The following PKHD1 variants were observed in gnomAD, a reference collection of about 807,000 sequenced individuals.
PKHD1 encodes PKHD1 ciliary IPT domain containing fibrocystin/polyductin, also known as fibrocystin.
A neutral mutation model predicts 412.0 loss-of-function variants in PKHD1; 291 were observed. The ratio of observed to expected loss-of-function variants is 0.71; its 90% CI spans 0.64 to 0.78. PKHD1 has a LOEUF of 0.78. Among genes scored for constraint, PKHD1 ranks in the 30% least tolerant of loss-of-function variants. The probability of loss-of-function intolerance (pLI) is 0.00; values close to 1 mark genes in which losing one functional copy is unlikely to be tolerated. For missense variants in PKHD1, 4,825 were observed against 4,950.7 expected (o/e 0.97, Z 0.76); for synonymous variants, 1,777 against 1,821.5 (o/e 0.98, Z 0.62).
intron 1 of PKHD1, among the ~76,000 whole-genome samples, chr6:52,086,539 C>A (rs188959773): frequency 4.6e-5 from 7 of 152,166 alleles, no homozygotes; most frequent in African/African-American, 1.7e-4. Context: ...AATAAACTCA[C>A]CTTACGGGCA....
chr6:51,740,337 A>C (rs1209217900), intron 60 of PKHD1, among the ~76,000 whole-genome samples: 1 of 152,214 alleles, frequency 6.6e-6, no homozygotes, highest in Admixed American at 6.5e-5. Context: ...GGACCTGTGG[A>C]TATCTGTCTG....
At chr6:51,780,893 ATTGTATTTTTATATAAT>A in intron 53 of PKHD1, among the ~76,000 whole-genome samples, 1 of 152,322 alleles carries the variant, frequency 6.6e-6, no homozygotes, top group East Asian at 1.9e-4. Context: ...AAAGCAACAA[ATTGTATTTTTATATAAT>A]TTGTATTTTT....
chr6:51,827,347 C>T (rs1238715406), intron 52 of PKHD1, among the ~76,000 whole-genome samples: 1 of 152,032 alleles, frequency 6.6e-6, no homozygotes, highest in Non-Finnish European at 1.5e-5. Context: ...AAACTCTATG[C>T]GTTGGTCATG....
Position 51,912,415 on chromosome 6 carries a change from T to G in PKHD1, c.6283A>C (p.Thr2095Pro). The change falls in exon 38 of 67, where the codon ACT becomes CCT. Residue 2095 changes from threonine (T) to proline (P), a missense_variant. Thr to Pro is a conservative substitution (Grantham distance 38, BLOSUM62 -1). Coordinates refer to ENST00000371117, the MANE Select transcript of PKHD1 (RefSeq NM_138694.4). Reference sequence around the variant, plus strand: ...TCTGTATCCTGCACAGTTTCCACAGTGACAATCTCTTCCATCGGTTTGGCA... The same window carrying G: ...TCTGTATCCTGCACAGTTTCCACAGGGACAATCTCTTCCATCGGTTTGGCA... ...KGAKPMEEIV[T>P]VETVQDTDLY... 6.2e-7 allele frequency: 1 copy of G among 1,613,168 alleles called. No homozygotes were observed.
chr6:51,747,897 C>A lies in PKHD1; in HGVS notation c.9719G>T (p.Arg3240Leu), dbSNP rs146649803. The A allele has an allele frequency of 1.7e-5, 28 of 1,613,858 alleles. No individual in the cohort carries two copies. Among genetic ancestry groups the A allele is most frequent in the Non-Finnish European group, 2.3e-5 (27 of 1,179,932 alleles). ...DRAPSNPRGGRIGILWPVFTS... is the reference protein window; with the variant it reads ...DRAPSNPRGGLIGILWPVFTS... ...GAATACAGGCCACAGAATACCAATT[C>A]GACCTCCTCTTGGATTGGAGGGAGC... Residue 3240 changes from arginine to leucine, a missense_variant, in exon 58 of 67, where the codon CGA (arginine) becomes CTA (leucine). By Grantham distance (102) the Arg-to-Leu change is moderately radical (BLOSUM62 -2). Transcript: ENST00000371117.
chr6:52,083,047 C>G (rs762822651), intron 3 of PKHD1, 131 bp downstream of exon 3: 2 of 714,876 alleles, frequency 2.8e-6, no homozygotes, highest in African/African-American at 3.5e-5. Flanking sequence ...AGAAGTTGGT[C>G]AGTCTGTTCG....
chr6:51,670,953 A>G (rs9395705), intron 60 of PKHD1, among the ~76,000 whole-genome samples: 5 of 151,240 alleles, frequency 3.3e-5, no homozygotes, highest in Admixed American at 6.6e-5. Flanking sequence ...GTGGGTAACC[A>G]GACCTTTCTC....
intron 61 of PKHD1, among the ~76,000 whole-genome samples, chr6:51,655,571 G>T (rs1771684542): frequency 1.3e-5 from 2 of 152,080 alleles, no homozygotes; most frequent in South Asian, 4.1e-4. Flanking sequence ...CACAAACAAA[G>T]AGCTTTATGT....
intron 63 of PKHD1, among the ~76,000 whole-genome samples, chr6:51,643,335 T>C (rs954217978): frequency 3.3e-5 from 5 of 152,126 alleles, no homozygotes; most frequent in African/African-American, 9.7e-5. Context: ...TGGTTTGTCC[T>C]CATTCCTTGG....
At chr6:51,692,098 T>C (rs907561950) in intron 60 of PKHD1, among the ~76,000 whole-genome samples, 2 of 152,142 alleles carry the variant, frequency 1.3e-5, no homozygotes, top group African/African-American at 4.8e-5. Context: ...TCTTCATCAT[T>C]CACTTAATGC....
At chr6:51,916,360 T>A (rs1406174938) in intron 37 of PKHD1, among the ~76,000 whole-genome samples, 1 of 152,210 alleles carries the variant, frequency 6.6e-6, no homozygotes, top group African/African-American at 2.4e-5. Context: ...CAAACTAGTT[T>A]CATTGTCAAG....
intron 21 of PKHD1, among the ~76,000 whole-genome samples, chr6:52,052,424 C>G (rs991712457): frequency 6.6e-6 from 1 of 152,116 alleles, no homozygotes. Context: ...AAGGAAGAGC[C>G]GGGCCTGATC....
rs376325766 is a variant in PKHD1 at position 51,696,824 on chromosome 6, A to T, written c.10157-36855T>A. On this transcript the variant is annotated intron_variant, in intron 60 of 66. Transcript: ENST00000371117. ...ATGGAAAAAATAAACCAAACTGACG[A>T]CCAATCCTTGAAAATTAACTGTAAA... Among the ~76,000 whole-genome samples, 6 of 152,260 alleles carry T rather than the reference A, an allele frequency of 3.9e-5. No homozygotes were observed. In the South Asian group the frequency reaches 1.2e-3, roughly 32 times the overall value.
intron 57 of PKHD1, 21 bp downstream of exon 57, chr6:51,753,180 A>G: frequency 6.2e-7 from 1 of 1,611,346 alleles, no homozygotes; most frequent in Non-Finnish European, 8.5e-7. Flanking sequence ...GTAATGGCCA[A>G]TTACTTAAAA....
chr6:51,925,054 G>C (rs188777424), intron 37 of PKHD1, among the ~76,000 whole-genome samples: 19 of 152,326 alleles, frequency 1.2e-4, no homozygotes, highest in African/African-American at 4.3e-4. Context: ...GTTCACGGTA[G>C]AGATGGGATT....
At position 51,666,660 on chromosome 6, in the gene PKHD1, C is replaced by CA. The variant is rs574107544; in HGVS notation, c.10157-6692dup. Among the ~76,000 whole-genome samples, 65 of 151,100 alleles carry CA rather than the reference C, an allele frequency of 4.3e-4. 1 individual carries two copies. Among genetic ancestry groups the CA allele is most frequent in the African/African-American group, 1.5e-3 (63 of 41,258 alleles). On this transcript the variant is annotated intron_variant, in intron 60 of 66. Coordinates refer to ENST00000371117, the MANE Select transcript of PKHD1 (RefSeq NM_138694.4). ...CTGCACCCACTAACTCGTCATCTAG[C>CA]ATTAGGTATATCTCCCAATGCTATC...
At chr6:51,649,887 A>C (rs1770661192) in intron 61 of PKHD1, among the ~76,000 whole-genome samples, 1 of 152,232 alleles carries the variant, frequency 6.6e-6, no homozygotes, top group Admixed American at 6.5e-5. Flanking sequence ...GAAGCATCTG[A>C]GGAGAATAAT....
intron 60 of PKHD1, among the ~76,000 whole-genome samples, chr6:51,693,987 A>G (rs1778477339): frequency 6.6e-6 from 1 of 152,158 alleles, no homozygotes; most frequent in African/African-American, 2.4e-5. Context: ...CCTCTACATT[A>G]TATTATTTTA....
chr6:51,684,565 T>C (rs1777168380), intron 60 of PKHD1, among the ~76,000 whole-genome samples: 1 of 152,102 alleles, frequency 6.6e-6, no homozygotes, highest in Non-Finnish European at 1.5e-5. Flanking sequence ...AGGGGATCTA[T>C]AGGACATCGT....
Sources: gnomAD v4.1 joint callset for allele counts (sites outside exome capture counted in the v4.1 genomes callset) on GRCh38, gnomAD v4.1.1 for gene constraint, MANE v1.5 for transcripts, NCBI Gene and HGNC (gene_info 2026-07-23, HGNC 2026-07-21) for gene names.